The following LAMC2 variants were observed in gnomAD, a reference collection of about 807,000 sequenced individuals.
LAMC2 encodes laminin subunit gamma-2.
In LAMC2, 97 loss-of-function variants were observed where a neutral mutation model predicts 140.2. The ratio of observed to expected loss-of-function variants is 0.69; its 90% confidence interval spans 0.59 to 0.82. LAMC2 has a LOEUF of 0.82. Ranked by LOEUF, LAMC2 falls within the 40% of genes least tolerant of loss-of-function variation. LAMC2 has a pLI of 0.00. For synonymous variants in LAMC2, 513 were observed against 540.2 expected (o/e 0.95, Z 0.70); for missense variants, 1,402 against 1,476.1 (o/e 0.95, Z 0.82).
chr1:183,225,830 T>C (rs1659610322), intron 8 of LAMC2, 110 bp downstream of exon 8: 7 of 737,586 alleles, frequency 9.5e-6, no homozygotes, highest in Non-Finnish European at 1.7e-5. Context: ...TACTTGATGA[T>C]CCTGACTTAG....
chr1:183,244,135 G>T lies in LAMC2; in HGVS notation c.*735G>T. ...ATTTTTATTAAAGCATTTCCTACCA[G>T]CAAAGCAAATGTTGGGAAAGTATTT... On this transcript the variant is annotated 3_prime_UTR_variant, in exon 23 of 23. Coordinates refer to ENST00000264144, the MANE Select transcript of LAMC2 (RefSeq NM_005562.3). 6.6e-6 allele frequency: 1 copy of T among 152,192 alleles called. No homozygotes were observed. The highest frequency in any genetic ancestry group is 1.9e-4 in the East Asian group (1 of 5,204). 9.4% of individuals were successfully genotyped at this position (152,192 alleles called of 1,614,324 possible).
rs3768594 is a variant in LAMC2, at chr1:183,243,036, C to A, written c.3329-111C>A. 248,004 of 1,188,876 alleles carry A rather than the reference C, an allele frequency of 0.21. 30,139 individuals carry two copies. The highest frequency in any genetic ancestry group is 0.43 in the East Asian group (18,239 of 42,914). 73.6% of individuals were successfully genotyped at this position (1,188,876 alleles called of 1,614,324 possible). A position where few individuals can be genotyped will look rare whatever the true frequency, so the allele number is the denominator to read the frequency against. On this transcript the variant is annotated intron_variant, in intron 22 of 22. Coordinates refer to ENST00000264144, the MANE Select transcript of LAMC2 (RefSeq NM_005562.3). ...TTTAAAATTCATGGTATACTATTTG[C>A]TCTAGGCAAGTGGAAATGGGAATTA... is the stretch of plus-strand genomic sequence containing the variant.
chr1:183,231,434 C>G (rs1659797458), intron 12 of LAMC2, among the ~76,000 whole-genome samples: 1 of 152,152 alleles, frequency 6.6e-6, no homozygotes, highest in Non-Finnish European at 1.5e-5. Context: ...TGAAATTTTT[C>G]AAAGTGATAT....
chr1:183,237,553 A>G, intron 18 of LAMC2, 49 bp downstream of exon 18: 1 of 1,459,876 alleles, frequency 6.8e-7, no homozygotes, highest in Non-Finnish European at 9.6e-7. Context: ...TTGAATGCCC[A>G]CCATATGAAT....
At chr1:183,252,729 T>C in the LAMC2 span, 2 of 1,613,886 alleles carry the variant, frequency 1.2e-6, no homozygotes, top group Non-Finnish European at 1.7e-6. Context: ...GCCGTCCCCA[T>C]GCTGCAGGGC....
Position 183,243,152 on chromosome 1 carries a change from C to G in LAMC2, c.3334C>G (p.Pro1112Ala), listed in dbSNP as rs780545822. The change falls in exon 23 of 23, where the codon CCT (proline) becomes GCT (alanine). Residue 1112 changes from proline (P) to alanine (A), a missense_variant. By Grantham distance (27) the Pro-to-Ala change is conservative. Around this residue, in one of 3 missense-constraint regions of LAMC2, gnomAD observed 670 missense variants for 667.2 expected, o/e 1.00. Coordinates refer to ENST00000264144, the MANE Select transcript of LAMC2 (RefSeq NM_005562.3). ...TGTCTCATTCCTTGAAATAGACCAG[C>G]CTCTCAGTGTAGATGAAGAGGGGCT... The part of the protein sequence containing the change: ...LDGLLHLMDQ[P>A]LSVDEEGLVL... 20 of 1,613,650 alleles carry G rather than the reference C, an allele frequency of 1.2e-5. No individual in the cohort carries two copies. In the South Asian group the frequency reaches 1.9e-4, roughly 15 times the overall value.
intron 3 of LAMC2, among the ~76,000 whole-genome samples, chr1:183,216,774 G>T (rs1239973638): frequency 6.6e-6 from 1 of 152,114 alleles, no homozygotes; most frequent in African/African-American, 2.4e-5. Context: ...AGCCCCCTGT[G>T]ACTCTGTCTT....
chr1:183,197,312 A>G (rs1658548862), intron 1 of LAMC2, among the ~76,000 whole-genome samples: 1 of 152,234 alleles, frequency 6.6e-6, no homozygotes, highest in Non-Finnish European at 1.5e-5. Flanking sequence ...TTCCGACTTG[A>G]AGGCATGGCA....
intron 13 of LAMC2, 31 bp from the exon 14 acceptor site, chr1:183,232,621 G>T (rs1368156029): frequency 1.9e-6 from 3 of 1,585,148 alleles, no homozygotes; most frequent in Non-Finnish European, 2.6e-6. Context: ...CCCAGAAAGT[G>T]CTCATGCTCC....
intron 22 of LAMC2, among the ~76,000 whole-genome samples, chr1:183,241,682 C>T (rs904496467): frequency 1.3e-5 from 2 of 152,166 alleles, no homozygotes; most frequent in Non-Finnish European, 2.9e-5. Context: ...GTCATCATCA[C>T]CCTGAGATGC....
chr1:183,231,554 A>G (rs757024573), intron 12 of LAMC2, among the ~76,000 whole-genome samples: 14 of 152,354 alleles, frequency 9.2e-5, no homozygotes, highest in Admixed American at 6.5e-5. Context: ...ATGTCTTTGT[A>G]AAACAAATGA....
At chr1:183,186,476 A>G (rs766886950) in intron 1 of LAMC2, 45 bp downstream of exon 1, 3 of 1,585,172 alleles carry the variant, frequency 1.9e-6, no homozygotes, top group South Asian at 1.1e-5. Context: ...TGGGCTGAGA[A>G]TCTGCCTTTC....
At position 183,222,196 on chromosome 1, in the gene LAMC2, T is replaced by A; in HGVS notation, c.748T>A (p.Tyr250Asn). 1 of 1,614,166 alleles carries A rather than the reference T, an allele frequency of 6.2e-7. No individual in the cohort carries two copies. The highest frequency in any genetic ancestry group is 1.7e-5 in the Admixed American group (1 of 60,028). The change falls in exon 6 of 23, where the codon TAT becomes AAT. Residue 250 changes from tyrosine (Y) to asparagine (N), a missense_variant. Around this residue, in one of 3 missense-constraint regions of LAMC2, gnomAD observed 723 missense variants for 783.3 expected, o/e 0.92. Coordinates refer to ENST00000264144, the MANE Select transcript of LAMC2 (RefSeq NM_005562.3). Reference protein sequence around the residue: ...FSSAQRLDPVYFVAPAKFLGN... With the variant: ...FSSAQRLDPVNFVAPAKFLGN... ...CTCAGCCCAACGACTAGACCCTGTC[T>A]ATTTTGTGGCTCCTGGTATGTGAGG...
At chr1:183,235,775 C>T (rs763724251) in intron 16 of LAMC2, 45 bp downstream of exon 16, 1 of 1,602,150 alleles carries the variant, frequency 6.2e-7, no homozygotes, top group Non-Finnish European at 8.5e-7. Flanking sequence ...ACCTTGGATA[C>T]TCCCAGGGCA....
chr1:183,207,169 A>G (rs918257638), intron 1 of LAMC2, among the ~76,000 whole-genome samples: 1 of 151,936 alleles, frequency 6.6e-6, no homozygotes, highest in Non-Finnish European at 1.5e-5. Flanking sequence ...CGAGACCATG[A>G]CGGAAACATT....
rs909161764 is a variant in LAMC2, at chr1:183,225,651, T to A, written c.997T>A (p.Tyr333Asn). 6.2e-7 allele frequency: 1 copy of A among 1,614,018 alleles called. No homozygotes were observed. The highest frequency in any genetic ancestry group is 2.2e-5 in the East Asian group (1 of 44,896). The stretch of plus-strand genomic sequence containing the variant: ...CAATAATTGGAGCCCCCAGCTGAGT[T>A]ACTTTGAGTATCGAAGGTTACTGCG... ...PSNNWSPQLS[Y>N]FEYRRLLRNL... The change falls in exon 8 of 23, where the codon TAC (tyrosine) becomes AAC (asparagine). Residue 333 changes from tyrosine to asparagine, a missense_variant. Around this residue, in one of 3 missense-constraint regions of LAMC2, gnomAD observed 723 missense variants for 783.3 expected, o/e 0.92. Transcript: ENST00000264144.
At chr1:183,257,447 G>A in the LAMC2 span, among the ~76,000 whole-genome samples, 1 of 152,102 alleles carries the variant, frequency 6.6e-6, no homozygotes, top group African/African-American at 2.4e-5. Flanking sequence ...TCTAAAAAAA[G>A]AAGTATTGGT....
chr1:183,202,888 G>A (rs1262869257), intron 1 of LAMC2, among the ~76,000 whole-genome samples: 1 of 152,134 alleles, frequency 6.6e-6, no homozygotes, highest in Non-Finnish European at 1.5e-5. Context: ...ACTCAGGGAA[G>A]GTCCAAGACA....
At chr1:183,207,028 G>A (rs1392292776) in intron 1 of LAMC2, among the ~76,000 whole-genome samples, 2 of 152,228 alleles carry the variant, frequency 1.3e-5, no homozygotes, top group African/African-American at 2.4e-5. Context: ...TTACAATCCA[G>A]GGAGGCAGAT....
Sources: gnomAD v4.1 joint callset for allele counts (sites outside exome capture counted in the v4.1 genomes callset) on GRCh38, gnomAD v4.1.1 for gene constraint, gnomAD v4.1.1 regional missense constraint, MANE v1.5 for transcripts, NCBI Gene and HGNC (gene_info 2026-07-23, HGNC 2026-07-21) for gene names.